Variants in SPAG16 observed in about 807,000 individuals in gnomAD.
SPAG16 encodes sperm associated antigen 16.
Under a neutral mutation model 80.4 loss-of-function variants are expected in SPAG16, and 86 were observed. The ratio of observed to expected loss-of-function variants is 1.07; its 90% CI spans 0.90 to 1.28. The LOEUF is 1.28. Ranked by LOEUF, SPAG16 falls within the 50% of genes most tolerant of loss-of-function variation. The pLI, the probability that SPAG16 is intolerant of heterozygous loss-of-function variation, is 0.00. For synonymous variants in SPAG16, 294 were observed against 265.9 expected (o/e 1.11, Z -1.03); for missense variants, 870 against 765.3 (o/e 1.14, Z -1.61).
intron 11 of SPAG16, among the ~76,000 whole-genome samples, chr2:213,881,623 G>A (rs1270464306): frequency 6.6e-6 from 1 of 152,204 alleles, no homozygotes; most frequent in Non-Finnish European, 1.5e-5. Flanking sequence ...AAGGCGGCAG[G>A]AAGGAGAAGT....
intron 14 of SPAG16, among the ~76,000 whole-genome samples, chr2:214,133,182 T>C (rs1015289749): frequency 6.6e-6 from 1 of 151,860 alleles, no homozygotes; most frequent in Non-Finnish European, 1.5e-5. Flanking sequence ...ACTGATTTTA[T>C]GGACTGGTAA....
chr2:213,642,387 G>A (rs1335375283), intron 10 of SPAG16, among the ~76,000 whole-genome samples: 12 of 152,098 alleles, frequency 7.9e-5, no homozygotes, highest in African/African-American at 2.7e-4. Flanking sequence ...ACTTCCTTTA[G>A]TATTTCTTAT....
At chr2:213,940,002 A>T (rs2079133637) in intron 12 of SPAG16, among the ~76,000 whole-genome samples, 1 of 152,174 alleles carries the variant, frequency 6.6e-6, no homozygotes, top group African/African-American at 2.4e-5. Flanking sequence ...TCGTTTCAAT[A>T]CATGTCCTAG....
At chr2:213,557,697 C>T (rs1279889491) in intron 10 of SPAG16, among the ~76,000 whole-genome samples, 2 of 152,164 alleles carry the variant, frequency 1.3e-5, no homozygotes, top group Non-Finnish European at 2.9e-5. Flanking sequence ...AAGCAATCCT[C>T]CCACCTCATC....
chr2:213,818,593 C>A (rs2072725350), intron 10 of SPAG16, among the ~76,000 whole-genome samples: 1 of 152,016 alleles, frequency 6.6e-6, no homozygotes, highest in South Asian at 2.1e-4. Context: ...AGTGAACCCT[C>A]AGAGATGGTG....
intron 15 of SPAG16, among the ~76,000 whole-genome samples, chr2:214,210,318 G>C (rs1247839360): frequency 6.6e-6 from 1 of 151,994 alleles, no homozygotes; most frequent in Non-Finnish European, 1.5e-5. Flanking sequence ...TTTTCTTGGA[G>C]ATTTGTGACA....
At chr2:213,922,456 G>T (rs2078268739) in intron 11 of SPAG16, among the ~76,000 whole-genome samples, 1 of 152,062 alleles carries the variant, frequency 6.6e-6, no homozygotes, top group South Asian at 2.1e-4. Context: ...AGCTTCCTTG[G>T]ATTGGGTTTT....
At chr2:214,381,743 G>A (rs746908469) in intron 15 of SPAG16, among the ~76,000 whole-genome samples, 1 of 152,162 alleles carries the variant, frequency 6.6e-6, no homozygotes, top group Non-Finnish European at 1.5e-5. Context: ...ATTCAAAGTA[G>A]TAGTCAATCT....
chr2:213,818,982 C>G (rs968836691), intron 10 of SPAG16, among the ~76,000 whole-genome samples: 1 of 152,246 alleles, frequency 6.6e-6, no homozygotes, highest in African/African-American at 2.4e-5. Flanking sequence ...CAGATAGTAA[C>G]TTCATAGCAG....
intron 9 of SPAG16, among the ~76,000 whole-genome samples, chr2:213,412,830 G>A (rs1280083933): frequency 1.3e-5 from 2 of 151,776 alleles, no homozygotes; most frequent in Non-Finnish European, 2.9e-5. Context: ...TAGGAGTAGA[G>A]GCAAATAATA....
At chr2:213,774,561 C>A (rs537120501) in intron 10 of SPAG16, among the ~76,000 whole-genome samples, 1 of 152,204 alleles carries the variant, frequency 6.6e-6, no homozygotes, top group Admixed American at 6.5e-5. Context: ...CAAATAAGTT[C>A]ATATTCTGAG....
chr2:213,413,601 T>C (rs2069104904), intron 9 of SPAG16, among the ~76,000 whole-genome samples: 1 of 152,134 alleles, frequency 6.6e-6, no homozygotes, highest in African/African-American at 2.4e-5. Flanking sequence ...AATATGTTTT[T>C]AAAAGATATT....
intron 14 of SPAG16, among the ~76,000 whole-genome samples, chr2:214,116,927 C>A (rs939337971): frequency 2.0e-5 from 3 of 152,152 alleles, no homozygotes; most frequent in African/African-American, 7.2e-5. Context: ...AACAAATACC[C>A]AGTCTTTCAA....
At chr2:214,185,703 G>C (rs2057445339) in intron 15 of SPAG16, among the ~76,000 whole-genome samples, 1 of 152,076 alleles carries the variant, frequency 6.6e-6, no homozygotes, top group Non-Finnish European at 1.5e-5. Flanking sequence ...CAGAATTATT[G>C]GAGACCTGTC....
chr2:213,511,542 T>A (rs527455798), intron 10 of SPAG16, among the ~76,000 whole-genome samples: 61 of 152,184 alleles, frequency 4.0e-4, no homozygotes, highest in South Asian at 3.7e-3. Flanking sequence ...TTCCTTTTTT[T>A]AAAAAAATCT....
intron 10 of SPAG16, among the ~76,000 whole-genome samples, chr2:213,545,335 G>A (rs972761940): frequency 1.3e-5 from 2 of 152,028 alleles, no homozygotes; most frequent in African/African-American, 4.8e-5. Context: ...TTGAGTTGTT[G>A]TAAATGCCTT....
chr2:214,114,608 G>T (rs571452931), intron 14 of SPAG16, among the ~76,000 whole-genome samples: 1 of 152,270 alleles, frequency 6.6e-6, no homozygotes, highest in East Asian at 1.9e-4. Flanking sequence ...CCCCTGCCCC[G>T]AGCCAGGCAC....
chr2:214,380,356 T>G (rs6728624), intron 15 of SPAG16, among the ~76,000 whole-genome samples: 6,451 of 152,258 alleles, frequency 0.042, 455 homozygotes, highest in African/African-American at 0.15. Context: ...AGAAAATGCC[T>G]AAAACAATTT....
At chr2:213,315,554 C>G (rs981158875) in intron 4 of SPAG16, among the ~76,000 whole-genome samples, 1 of 151,998 alleles carries the variant, frequency 6.6e-6, no homozygotes, top group South Asian at 2.1e-4. Context: ...GATTTCATAT[C>G]TTCTTCTAAG....
Sources: allele counts gnomAD v4.1 joint callset (sites outside exome capture counted in the v4.1 genomes callset), GRCh38; gene constraint gnomAD v4.1.1; transcripts MANE v1.5; gene names NCBI Gene and HGNC (gene_info 2026-07-23, HGNC 2026-07-21).